MEIS3: variants seen among roughly 807,000 people sequenced by gnomAD.
MEIS3 encodes the protein Meis homeobox 3.
In MEIS3, 38 loss-of-function variants were observed where a neutral mutation model predicts 51.4. That is an observed-to-expected ratio of 0.74 (90% confidence interval 0.57 to 0.97). The LOEUF (loss-of-function observed/expected upper bound fraction) is 0.97, where lower values mean the gene tolerates loss of function less well. Ranked by LOEUF, MEIS3 falls within the 50% of genes least tolerant of loss-of-function variation. The pLI, the probability that MEIS3 is intolerant of heterozygous loss-of-function variation, is 0.00. For synonymous variants in MEIS3, 198 were observed against 201.8 expected, an observed-to-expected ratio of 0.98 and a Z score of 0.16; for missense variants, 456 against 502.6, an observed-to-expected ratio of 0.91 and a Z score of 0.89.
At position 47,403,526 on chromosome 19, in the gene MEIS3, G is replaced by A; in HGVS notation, c.*45C>T. On this transcript the variant is annotated 3_prime_UTR_variant, in exon 13 of 13. Transcript: ENST00000558555. ...AGGCGGGAACCAGAGGCAGGTGTGA[G>A]GCTGGGGGTCACAGCCGGAGGCTGG... 2.2e-6 allele frequency: 1 copy of A among 453,984 alleles called. No homozygotes were observed. The highest frequency in any genetic ancestry group is 1.6e-5 in the South Asian group (1 of 64,250). 28.1% of individuals were successfully genotyped at this position (453,984 alleles called of 1,614,324 possible).
chr19:47,420,489 G>C (rs567668674), upstream of MEIS3, among the ~76,000 whole-genome samples: 8 of 150,250 alleles, frequency 5.3e-5, no homozygotes, highest in South Asian at 2.1e-4. Flanking sequence ...AACTGGAGTG[G>C]GGAGGGAGGT....
In MEIS3 at chr19:47,417,326, C is replaced by A; in HGVS notation, c.37G>T (p.Gly13Cys). 2 of 1,613,662 alleles carry A rather than the reference C, an allele frequency of 1.2e-6. No individual in the cohort carries two copies. The stretch of plus-strand genomic sequence containing the variant: ...AGGGCTGCGGGGCCATCCACGATGC[C>A]TGGGTAGTGCGGCAGCTCATCATAC... ...RRYDELPHYP[G>C]IVDGPAALAS... Residue 13 changes from glycine (G) to cysteine (C), a missense_variant, in exon 2 of 13, where the codon GGC becomes TGC. Gly to Cys is a radical substitution (Grantham distance 159). Transcript: ENST00000558555.
chr19:47,415,324 T>C (rs1345778988), intron 4 of MEIS3, among the ~76,000 whole-genome samples: 1 of 151,746 alleles, frequency 6.6e-6, no homozygotes, highest in African/African-American at 2.4e-5. Flanking sequence ...AAAGAGCAGA[T>C]GTTAGATTGA....
chr19:47,409,839 G>A (rs112836409), intron 6 of MEIS3, among the ~76,000 whole-genome samples: 35,946 of 150,424 alleles, frequency 0.24, 4,524 homozygotes, highest in Middle Eastern at 0.39. Flanking sequence ...CTCCAGCCTG[G>A]GTGACAGAGC....
intron 6 of MEIS3, among the ~76,000 whole-genome samples, chr19:47,414,474 G>A (rs1488663452): frequency 6.6e-6 from 1 of 152,196 alleles, no homozygotes; most frequent in Admixed American, 6.5e-5. Context: ...CTGTGTGGGT[G>A]TAGCTGAATC....
chr19:47,404,255 G>A (rs1970717766), intron 12 of MEIS3, among the ~76,000 whole-genome samples: 1 of 151,920 alleles, frequency 6.6e-6, no homozygotes, highest in Admixed American at 6.6e-5. Flanking sequence ...CATCACTACT[G>A]ACCCCAAAGG....
At chr19:47,412,891 C>T (rs2122525258) in intron 6 of MEIS3, among the ~76,000 whole-genome samples, 1 of 151,548 alleles carries the variant, frequency 6.6e-6, no homozygotes, top group South Asian at 2.1e-4. Flanking sequence ...TTTAGTAGAG[C>T]CGGGTTTTTG....
At chr19:47,413,070 T>C (rs1971215782) in intron 6 of MEIS3, among the ~76,000 whole-genome samples, 1 of 151,794 alleles carries the variant, frequency 6.6e-6, no homozygotes, top group Non-Finnish European at 1.5e-5. Context: ...TTTGTGACAC[T>C]GTTGTTGCGA....
intron 12 of MEIS3, chr19:47,405,922 AGTGGGTG>A (rs1970793455): frequency 1.3e-5 from 2 of 151,022 alleles, no homozygotes; most frequent in African/African-American, 4.9e-5. Flanking sequence ...ATGGATGGAT[AGTGGGTG>A]GTGGGTGGGT....
upstream of MEIS3, among the ~76,000 whole-genome samples, chr19:47,420,940 A>ACACTCTCTCTCTCTCT (rs1187725467): frequency 1.5e-3 from 133 of 90,988 alleles, 1 homozygote; most frequent in African/African-American, 6.9e-3. Context: ...ACACACACAC[A>ACACTCTCTCTCTCTCT]CTCTCTCTCT....
rs770718549 is a variant in MEIS3 at position 47,417,332 on chromosome 19, A to G, written c.31T>C (p.Tyr11His). The G allele has an allele frequency of 6.2e-7, 1 of 1,613,354 alleles. No homozygotes were observed. Among genetic ancestry groups the G allele is most frequent in the Non-Finnish European group, 8.5e-7 (1 of 1,179,798 alleles). ...GCGGGGCCATCCACGATGCCTGGGT[A>G]GTGCGGCAGCTCATCATACTGGGGG... MARRYDELPH[Y>H]PGIVDGPAAL... is the part of the protein sequence containing the mutation. Residue 11 changes from tyrosine (Y) to histidine (H), a missense_variant, in exon 2 of 13, where the codon TAC (tyrosine) becomes CAC (histidine). Tyr to His is a moderately conservative substitution (Grantham distance 83, BLOSUM62 2). Coordinates refer to ENST00000558555, the MANE Select transcript of MEIS3 (RefSeq NM_001301059.2).
intron 8 of MEIS3, 53 bp from the exon 9 acceptor site, chr19:47,407,481 C>T (rs747370544): frequency 6.2e-7 from 1 of 1,613,330 alleles, no homozygotes; most frequent in Admixed American, 1.7e-5. Flanking sequence ...GCAGTCTGAA[C>T]CCCAAGGTCT....
chr19:47,413,194 C>A (rs1366110148), intron 6 of MEIS3, among the ~76,000 whole-genome samples: 1 of 151,434 alleles, frequency 6.6e-6, no homozygotes, highest in Non-Finnish European at 1.5e-5. Flanking sequence ...GTCAGGAGTT[C>A]GAGGCCAGCC....
upstream of MEIS3, among the ~76,000 whole-genome samples, chr19:47,419,994 G>A (rs879443011): frequency 3.3e-5 from 5 of 152,120 alleles, no homozygotes; most frequent in Non-Finnish European, 7.4e-5. Context: ...CGGCGGGGGT[G>A]GGCTGTGGAT....
chr19:47,418,818 G>T (rs117613948), intron 1 of MEIS3: 5,177 of 380,510 alleles, frequency 0.014, 70 homozygotes, highest in East Asian at 0.043. Context: ...GACAGAGGGG[G>T]ACAGAGGGGC....
chr19:47,407,490 C>T (rs1310509665), intron 8 of MEIS3, 62 bp from the exon 9 acceptor site: 1 of 1,612,438 alleles, frequency 6.2e-7, no homozygotes, highest in African/African-American at 1.3e-5. Flanking sequence ...ACCCCAAGGT[C>T]TGGCCCACCG....
At chr19:47,415,215 T>G (rs1971351702) in intron 4 of MEIS3, 114 bp from the exon 5 acceptor site, 2 of 705,304 alleles carry the variant, frequency 2.8e-6, no homozygotes, top group African/African-American at 1.9e-5. Context: ...ACAGAAAGAG[T>G]GAGACAAAAT....
upstream of MEIS3, among the ~76,000 whole-genome samples, chr19:47,421,769 CTG>C (rs1040337358): frequency 1.3e-5 from 2 of 149,130 alleles, no homozygotes; most frequent in African/African-American, 5.0e-5. Context: ...TCTTGTATCT[CTG>C]TGTCTCTTTG....
chr19:47,409,013 T>C (rs1479817785), intron 8 of MEIS3, 86 bp downstream of exon 8: 4 of 1,485,630 alleles, frequency 2.7e-6, no homozygotes, highest in East Asian at 2.3e-5. Context: ...CTCCCACTTC[T>C]GGGTTTCTCT....
Sources: allele counts gnomAD v4.1 joint callset (sites outside exome capture counted in the v4.1 genomes callset), GRCh38; gene constraint gnomAD v4.1.1; transcripts MANE v1.5; gene names NCBI Gene and HGNC (gene_info 2026-07-23, HGNC 2026-07-21).